The following HCN1 variants were observed in gnomAD, a reference collection of about 807,000 sequenced individuals.
HCN1 encodes potassium/sodium hyperpolarization-activated cyclic nucleotide-gated channel 1.
HCN1 carries 13 observed loss-of-function variants against 78.9 expected under a neutral mutation model. The ratio of observed to expected loss-of-function variants is 0.16; its 90% CI spans 0.11 to 0.26. The LOEUF (loss-of-function observed/expected upper bound fraction) is 0.26, where lower values mean the gene tolerates loss of function less well. Ranked by LOEUF, HCN1 falls within the 10% of genes least tolerant of loss-of-function variation. The pLI is 1.00. For synonymous variants in HCN1, 552 were observed against 455.5 expected, an observed-to-expected ratio of 1.21 and a Z score of -2.70; for missense variants, 810 against 1,154.3, an observed-to-expected ratio of 0.70 and a Z score of 4.32.
chr5:45,571,137 T>C (rs956782551), intron 2 of HCN1, among the ~76,000 whole-genome samples: 1 of 152,164 alleles, frequency 6.6e-6, no homozygotes, highest in Non-Finnish European at 1.5e-5. Flanking sequence ...CTAGCAGGCA[T>C]AATAGATTGT....
At chr5:45,429,164 A>T (rs1034164793) in intron 3 of HCN1, among the ~76,000 whole-genome samples, 88 of 152,366 alleles carry the variant, frequency 5.8e-4, no homozygotes, top group African/African-American at 1.7e-3. Flanking sequence ...AGAATTTATA[A>T]GAAATGATGG....
rs138705620 is a variant in HCN1 at position 45,499,242 on chromosome 5, C to T, written c.850-37235G>A. ...TGCTAGTAATCAGCAGGACTCCATG[C>T]GCATGCACGTAGGCCCCTCCAAGCC... On this transcript the variant is annotated intron_variant, in intron 2 of 7. Coordinates refer to ENST00000303230, the MANE Select transcript of HCN1 (RefSeq NM_021072.4). Among the ~76,000 whole-genome samples the T allele has an allele frequency of 7.6e-3, 1,155 of 152,000 alleles. 10 individuals are homozygous for T. The highest frequency in any genetic ancestry group is 0.065 in the Middle Eastern group (19 of 294).
chr5:45,388,206 A>T (rs1747966865), intron 4 of HCN1, among the ~76,000 whole-genome samples: 1 of 152,132 alleles, frequency 6.6e-6, no homozygotes, highest in Admixed American at 6.6e-5. Context: ...TTGTTCTTGT[A>T]TCTGTGGCAC....
chr5:45,344,225 G>A (rs73099472), intron 5 of HCN1, among the ~76,000 whole-genome samples: 5,327 of 152,046 alleles, frequency 0.035, 245 homozygotes, highest in African/African-American at 0.11. Flanking sequence ...AGCAGCATGC[G>A]GGTAACTGCC....
At chr5:45,289,656 G>T (rs1745333559) in intron 6 of HCN1, among the ~76,000 whole-genome samples, 1 of 152,050 alleles carries the variant, frequency 6.6e-6, no homozygotes, top group Non-Finnish European at 1.5e-5. Flanking sequence ...AGTCAAATGG[G>T]AGGCTGGAGA....
chr5:45,442,354 G>A (rs892740918), intron 3 of HCN1, among the ~76,000 whole-genome samples: 1 of 152,042 alleles, frequency 6.6e-6, no homozygotes, highest in Non-Finnish European at 1.5e-5. Context: ...CAGCATTTCT[G>A]TTCTCAACCA....
At chr5:45,506,500 A>AT (rs947270431) in intron 2 of HCN1, among the ~76,000 whole-genome samples, 1 of 152,176 alleles carries the variant, frequency 6.6e-6, no homozygotes, top group African/African-American at 2.4e-5. Flanking sequence ...GTTTTCTAGG[A>AT]TTTTTTAATT....
chr5:45,313,719 T>A (rs1354962785), intron 5 of HCN1, among the ~76,000 whole-genome samples: 1 of 152,112 alleles, frequency 6.6e-6, no homozygotes, highest in Non-Finnish European at 1.5e-5. Context: ...AAGGGACGAA[T>A]GCACAAGCTT....
intron 2 of HCN1, among the ~76,000 whole-genome samples, chr5:45,640,577 C>CT (rs1319334376): frequency 0.011 from 1,476 of 138,610 alleles, 23 homozygotes; most frequent in African/African-American, 0.033. Flanking sequence ...AAGTCTGATT[C>CT]TTTTTTTTTT....
intron 4 of HCN1, among the ~76,000 whole-genome samples, chr5:45,394,462 TC>T (rs1466036104): frequency 6.6e-6 from 1 of 152,140 alleles, no homozygotes; most frequent in Non-Finnish European, 1.5e-5. Flanking sequence ...ACATTACTCA[TC>T]CACTATGTAA....
intron 6 of HCN1, among the ~76,000 whole-genome samples, chr5:45,293,806 GC>G (rs1463166021): frequency 6.6e-6 from 1 of 151,924 alleles, no homozygotes; most frequent in Non-Finnish European, 1.5e-5. Context: ...CAATGAGTTA[GC>G]AAAGCTTCAG....
At chr5:45,350,756 GA>G (rs1746878689) in intron 5 of HCN1, among the ~76,000 whole-genome samples, 1 of 151,650 alleles carries the variant, frequency 6.6e-6, no homozygotes, top group South Asian at 2.1e-4. Flanking sequence ...GCCAAATCAT[GA>G]GTGAACTCCC....
chr5:45,300,769 CT>C (rs1745597930), intron 6 of HCN1, among the ~76,000 whole-genome samples: 1 of 152,044 alleles, frequency 6.6e-6, no homozygotes, highest in Non-Finnish European at 1.5e-5. Context: ...AACTTCAATA[CT>C]CTCTTTCTTT....
chr5:45,586,741 G>A lies in HCN1; in HGVS notation c.849+58444C>T, dbSNP rs1170317047. On this transcript the variant is annotated intron_variant, in intron 2 of 7. Transcript: ENST00000303230. ...GCAGCAATAGAAAATGAATATACAA[G>A]CCTAGAATCATCATTTAGTCTCTTA... Among the ~76,000 whole-genome samples, 4 of 152,056 alleles carry A rather than the reference G, an allele frequency of 2.6e-5. 1 individual carries two copies.
intron 3 of HCN1, among the ~76,000 whole-genome samples, chr5:45,435,771 A>C (rs1740550812): frequency 6.6e-6 from 1 of 152,188 alleles, no homozygotes; most frequent in Non-Finnish European, 1.5e-5. Context: ...TTAAAGAAGA[A>C]TCAATTCCCG....
intron 4 of HCN1, among the ~76,000 whole-genome samples, chr5:45,363,166 A>ATC (rs1296253988): frequency 3.6e-5 from 5 of 139,258 alleles, no homozygotes; most frequent in Non-Finnish European, 7.7e-5. Context: ...ATATATATAT[A>ATC]TATCTGAATA....
At chr5:45,639,894 A>T (rs942064071) in intron 2 of HCN1, among the ~76,000 whole-genome samples, 2 of 152,128 alleles carry the variant, frequency 1.3e-5, no homozygotes, top group African/African-American at 4.8e-5. Context: ...CTTTTGATTA[A>T]GTCCATCATT....
chr5:45,354,880 G>A (rs761983937), intron 4 of HCN1, among the ~76,000 whole-genome samples: 2 of 151,962 alleles, frequency 1.3e-5, no homozygotes, highest in Non-Finnish European at 2.9e-5. Context: ...GAAATATGAA[G>A]AGCAGCACTG....
At chr5:45,314,123 G>T (rs1038223808) in intron 5 of HCN1, among the ~76,000 whole-genome samples, 4 of 152,126 alleles carry the variant, frequency 2.6e-5, no homozygotes, top group East Asian at 3.9e-4. Flanking sequence ...GAAAGGTCGG[G>T]TTACCCACAA....
Sources: gnomAD v4.1 joint callset for allele counts (sites outside exome capture counted in the v4.1 genomes callset) on GRCh38, gnomAD v4.1.1 for gene constraint, MANE v1.5 for transcripts, NCBI Gene and HGNC (gene_info 2026-07-23, HGNC 2026-07-21) for gene names.